Variants in HCN1 observed in about 807,000 individuals in gnomAD.
The protein encoded by HCN1 is potassium/sodium hyperpolarization-activated cyclic nucleotide-gated channel 1.
In HCN1, 13 loss-of-function variants were observed where a neutral mutation model predicts 78.9. That is an observed-to-expected ratio of 0.16 (90% CI 0.11 to 0.26). The LOEUF (loss-of-function observed/expected upper bound fraction) is 0.26, where lower values mean the gene tolerates loss of function less well. Ranked by LOEUF, HCN1 falls within the 10% of genes least tolerant of loss-of-function variation. HCN1 has a pLI of 1.00. For missense variants in HCN1, 810 were observed against 1,154.3 expected (o/e 0.70, Z 4.32); for synonymous variants, 552 against 455.5 (o/e 1.21, Z -2.70).
At chr5:45,684,272 G>C (rs1319364861) in intron 1 of HCN1, among the ~76,000 whole-genome samples, 1 of 152,080 alleles carries the variant, frequency 6.6e-6, no homozygotes, top group Admixed American at 6.5e-5. Context: ...TGAATGATTA[G>C]TATAATCAGT....
chr5:45,452,913 C>A (rs185732513), intron 3 of HCN1, among the ~76,000 whole-genome samples: 1 of 152,130 alleles, frequency 6.6e-6, no homozygotes, highest in African/African-American at 2.4e-5. Flanking sequence ...AGTGTCCCTC[C>A]TATTCTTTCT....
intron 2 of HCN1, among the ~76,000 whole-genome samples, chr5:45,628,572 T>C (rs532725432): frequency 1.3e-5 from 2 of 152,356 alleles, no homozygotes; most frequent in African/African-American, 4.8e-5. Context: ...CATTAAAATA[T>C]AAATGATTTT....
intron 2 of HCN1, among the ~76,000 whole-genome samples, chr5:45,635,341 C>T (rs1285834071): frequency 6.6e-6 from 1 of 151,920 alleles, no homozygotes; most frequent in Non-Finnish European, 1.5e-5. Flanking sequence ...CTCACATCTC[C>T]ACAAAAACAA....
intron 2 of HCN1, among the ~76,000 whole-genome samples, chr5:45,622,939 C>T (rs1256320530): frequency 6.6e-6 from 1 of 152,132 alleles, no homozygotes; most frequent in East Asian, 1.9e-4. Flanking sequence ...TGATGGCACT[C>T]CACTCCTTCC....
intron 2 of HCN1, among the ~76,000 whole-genome samples, chr5:45,544,538 G>A (rs1743169405): frequency 6.6e-6 from 1 of 151,846 alleles, no homozygotes; most frequent in South Asian, 2.1e-4. Flanking sequence ...TTGGTGTGCT[G>A]CACCCGTTAA....
chr5:45,682,382 GC>G (rs1263647044), intron 1 of HCN1, among the ~76,000 whole-genome samples: 1 of 150,288 alleles, frequency 6.7e-6, no homozygotes, highest in Non-Finnish European at 1.5e-5. Flanking sequence ...AATTGTAATG[GC>G]TTCAACTCTT....
chr5:45,543,503 C>A (rs1743144853), intron 2 of HCN1, among the ~76,000 whole-genome samples: 1 of 152,054 alleles, frequency 6.6e-6, no homozygotes, highest in Admixed American at 6.6e-5. Flanking sequence ...TACCTTGAAA[C>A]CCATAAACAT....
At position 45,527,608 on chromosome 5, in the gene HCN1, T is replaced by C. The variant is rs149659742; in HGVS notation, c.850-65601A>G. On this transcript the variant is annotated intron_variant, in intron 2 of 7. Coordinates refer to ENST00000303230, the MANE Select transcript of HCN1 (RefSeq NM_021072.4). ...TCATTCTCATTCTCTCTCTCTTTTCTCTCTCTTTCTCTCTCTCTCTGTCTC... is the reference window on the plus strand; with the variant it reads ...TCATTCTCATTCTCTCTCTCTTTTCCCTCTCTTTCTCTCTCTCTCTGTCTC... Among the ~76,000 whole-genome samples the C allele has an allele frequency of 9.9e-4, 150 of 151,314 alleles. 1 individual carries two copies. The highest frequency in any genetic ancestry group is 3.5e-3 in the African/African-American group (144 of 41,138).
intron 5 of HCN1, among the ~76,000 whole-genome samples, chr5:45,311,982 C>A (rs1390926875): frequency 1.3e-5 from 2 of 152,298 alleles, no homozygotes; most frequent in East Asian, 3.9e-4. Flanking sequence ...AAGAAAAAAT[C>A]TTTGTTGTCA....
intron 5 of HCN1, 80 bp from the exon 6 acceptor site, chr5:45,303,919 T>C (rs1745676306): frequency 5.8e-6 from 7 of 1,214,756 alleles, no homozygotes; most frequent in Non-Finnish European, 8.5e-6. Context: ...ATTTAAAATA[T>C]ATACAGCATA....
intron 2 of HCN1, among the ~76,000 whole-genome samples, chr5:45,626,592 T>C (rs1300737292): frequency 6.6e-6 from 1 of 152,116 alleles, no homozygotes; most frequent in Non-Finnish European, 1.5e-5. Flanking sequence ...AAATATCTAT[T>C]TGTGAAGGTT....
chr5:45,550,181 T>C (rs1395284066), intron 2 of HCN1, among the ~76,000 whole-genome samples: 1 of 152,088 alleles, frequency 6.6e-6, no homozygotes, highest in Non-Finnish European at 1.5e-5. Context: ...CATGCTACTA[T>C]AAAGACACAT....
chr5:45,292,467 T>C (rs1412069214), intron 6 of HCN1, among the ~76,000 whole-genome samples: 1 of 151,968 alleles, frequency 6.6e-6, no homozygotes, highest in African/African-American at 2.4e-5. Context: ...TTCCTACAGA[T>C]TCTATTGTTT....
chr5:45,440,947 GTTC>G (rs946368638), intron 3 of HCN1, among the ~76,000 whole-genome samples: 10 of 152,008 alleles, frequency 6.6e-5, no homozygotes, highest in African/African-American at 2.2e-4. Flanking sequence ...CATTATTTTT[GTTC>G]TTCTCTCTCA....
chr5:45,352,089 C>T (rs561494922), intron 5 of HCN1, among the ~76,000 whole-genome samples: 7 of 152,064 alleles, frequency 4.6e-5, no homozygotes, highest in Admixed American at 1.3e-4. Context: ...ATGTTTATTG[C>T]GGCACTATTC....
At chr5:45,271,907 G>T (rs946322808) in intron 6 of HCN1, among the ~76,000 whole-genome samples, 4 of 152,110 alleles carry the variant, frequency 2.6e-5, no homozygotes, top group Non-Finnish European at 5.9e-5. Flanking sequence ...TTACCTTGCT[G>T]CATGTCCTCA....
At chr5:45,276,868 T>G in intron 6 of HCN1, among the ~76,000 whole-genome samples, 1 of 151,948 alleles carries the variant, frequency 6.6e-6, no homozygotes, top group East Asian at 1.9e-4. Context: ...ACTATGGGGA[T>G]GAAGAGGACA....
chr5:45,659,204 C>A (rs1299414437), intron 1 of HCN1, among the ~76,000 whole-genome samples: 4 of 148,290 alleles, frequency 2.7e-5, no homozygotes, highest in Non-Finnish European at 6.0e-5. Context: ...ACTGACACCT[C>A]ACACGGCAGG....
At chr5:45,639,100 G>A (rs977751106) in intron 2 of HCN1, among the ~76,000 whole-genome samples, 2 of 151,914 alleles carry the variant, frequency 1.3e-5, no homozygotes, top group African/African-American at 4.8e-5. Flanking sequence ...TTACATATAC[G>A]AATATCCATA....
Sources: allele counts gnomAD v4.1 joint callset (sites outside exome capture counted in the v4.1 genomes callset), GRCh38; gene constraint gnomAD v4.1.1; transcripts MANE v1.5; gene names NCBI Gene and HGNC (gene_info 2026-07-23, HGNC 2026-07-21).